Variants in CEP63 observed in about 807,000 individuals in gnomAD.
CEP63 encodes centrosomal protein 63, also known as centrosomal protein of 63 kDa.
A neutral mutation model predicts 89.1 loss-of-function variants in CEP63; 84 were observed. The observed-to-expected ratio is 0.94, with a 90% CI of 0.79 to 1.13. CEP63 has a LOEUF of 1.13. Ranked by LOEUF, CEP63 falls within the 50% of genes most tolerant of loss-of-function variation. The probability of loss-of-function intolerance (pLI) is 0.00; values close to 1 mark genes in which losing one functional copy is unlikely to be tolerated. For synonymous variants in CEP63, 267 were observed against 272.5 expected (o/e 0.98, Z 0.20); for missense variants, 838 against 813.3 (o/e 1.03, Z -0.37).
chr3:134,607,881 G>A, the CEP63 span: 2 of 991,190 alleles, frequency 2.0e-6, no homozygotes, highest in Admixed American at 5.7e-5. Context: ...CCAGGCAGAG[G>A]TGCTGGAGCT....
the CEP63 span, chr3:134,610,377 G>T: frequency 1.2e-6 from 2 of 1,610,692 alleles, no homozygotes; most frequent in African/African-American, 2.7e-5. Context: ...ACTGCACTCC[G>T]GCGAGCCTGG....
chr3:134,489,227 A>G (rs763267646), intron 1 of CEP63, among the ~76,000 whole-genome samples: 24 of 152,110 alleles, frequency 1.6e-4, no homozygotes, highest in South Asian at 1.5e-3. Context: ...CTCGGTAGCT[A>G]CAGATTGCCT....
chr3:134,578,803 A>T (rs901378116), downstream of CEP63, among the ~76,000 whole-genome samples: 9 of 151,844 alleles, frequency 5.9e-5, no homozygotes, highest in African/African-American at 2.2e-4. Context: ...TAGATTCTGG[A>T]TATTAGATCT....
chr3:134,632,859 G>C, the CEP63 span, among the ~76,000 whole-genome samples: 1 of 151,786 alleles, frequency 6.6e-6, no homozygotes, highest in East Asian at 1.9e-4. Context: ...TAGCTAGAAT[G>C]ACCAAGAAAA....
chr3:134,666,189 C>A, the CEP63 span, among the ~76,000 whole-genome samples: 1 of 152,134 alleles, frequency 6.6e-6, no homozygotes, highest in Non-Finnish European at 1.5e-5. Context: ...AGCCAAATCC[C>A]TTCCAGCCTC....
chr3:134,629,562 C>T, the CEP63 span: 3 of 1,379,768 alleles, frequency 2.2e-6, no homozygotes, highest in South Asian at 3.7e-5. Flanking sequence ...TCTGGCCCAA[C>T]CAGCTGCCTT....
At chr3:134,574,808 A>G (rs1160401787) in exon 12 of CEP63, 7 of 614,852 alleles carry the variant, frequency 1.1e-5, no homozygotes, top group Non-Finnish European at 2.1e-5. Flanking sequence ...GGGTTTTACC[A>G]TGTTGTCCAG....
chr3:134,767,883 T>A, the CEP63 span, among the ~76,000 whole-genome samples: 1 of 152,186 alleles, frequency 6.6e-6, no homozygotes, highest in Non-Finnish European at 1.5e-5. Context: ...CTAACCTAGC[T>A]ACAGAGAGAG....
intron 14 of CEP63, among the ~76,000 whole-genome samples, chr3:134,559,898 G>A (rs760949589): frequency 6.6e-6 from 1 of 152,226 alleles, no homozygotes; most frequent in African/African-American, 2.4e-5. Flanking sequence ...GGCAGAATGT[G>A]CCTTGGACAC....
chr3:134,769,348 A>C, the CEP63 span, among the ~76,000 whole-genome samples: 4 of 152,194 alleles, frequency 2.6e-5, no homozygotes, highest in Non-Finnish European at 5.9e-5. Context: ...AACCCCAGGT[A>C]ACTCTGGTGA....
rs1160475060 is a variant in CEP63 at position 134,546,213 on chromosome 3, A to C, written c.854A>C (p.Glu285Ala). The change falls in exon 8 of 15, where the codon GAG becomes GCG. Residue 285 changes from glutamate (E) to alanine (A), a missense_variant. Transcript: ENST00000675561. ...CAGTCTCAAGAAAATCTCATACATG[A>C]GGCCAGAATACAAAAGGAGAAGTTA... ...ALQSQENLIH[E>A]ARIQKEKLQE... 6.2e-7 allele frequency: 1 copy of C among 1,613,820 alleles called. No homozygotes were observed. The highest frequency in any genetic ancestry group is 8.5e-7 in the Non-Finnish European group (1 of 1,179,872).
chr3:134,628,756 C>A, the CEP63 span, among the ~76,000 whole-genome samples: 1 of 152,140 alleles, frequency 6.6e-6, no homozygotes, highest in Non-Finnish European at 1.5e-5. Flanking sequence ...TATTTTCCTT[C>A]TTTTATAGTT....
chr3:134,502,071 C>T (rs1477608003), intron 2 of CEP63, among the ~76,000 whole-genome samples: 1 of 152,040 alleles, frequency 6.6e-6, no homozygotes, highest in Non-Finnish European at 1.5e-5. Flanking sequence ...GCTTTTTCTG[C>T]GTCTATTGAG....
rs192289769 is a variant in CEP63 at position 134,554,232 on chromosome 3, C to A, written c.1467+2220C>A. ...ATATCTCCCAATGCTATCCCTCCCC[C>A]CTTCCCCCACCCCACAACAGTCCCC... On this transcript the variant is annotated intron_variant, in intron 12 of 14. Coordinates refer to ENST00000675561, the MANE Select transcript of CEP63 (RefSeq NM_001353108.3). Among the ~76,000 whole-genome samples the A allele has an allele frequency of 9.9e-5, 15 of 151,526 alleles. No homozygotes were observed. The East Asian group carries it at 2.9e-3, about 30-fold the overall frequency.
At chr3:134,741,724 T>A in the CEP63 span, among the ~76,000 whole-genome samples, 1 of 152,266 alleles carries the variant, frequency 6.6e-6, no homozygotes, top group African/African-American at 2.4e-5. Context: ...ATATATTTAC[T>A]TCTTTTTTCC....
chr3:134,560,646 A>T (rs1577445150), intron 14 of CEP63, among the ~76,000 whole-genome samples: 1 of 152,146 alleles, frequency 6.6e-6, no homozygotes. Context: ...TCTGAACCTC[A>T]TGTCTCTCAT....
At chr3:134,683,833 A>G in the CEP63 span, among the ~76,000 whole-genome samples, 4 of 151,726 alleles carry the variant, frequency 2.6e-5, no homozygotes, top group African/African-American at 9.7e-5. Flanking sequence ...TCCCACCTCT[A>G]CCAGTTCCAT....
chr3:134,598,211 A>C, the CEP63 span, among the ~76,000 whole-genome samples: 1 of 152,066 alleles, frequency 6.6e-6, no homozygotes, highest in Non-Finnish European at 1.5e-5. Context: ...GGTGTAAAAC[A>C]CCCCTCGTTT....
rs572656300 is a variant in CEP63 at position 134,519,434 on chromosome 3, G to A, written c.222+12148G>A. On this transcript the variant is annotated intron_variant, in intron 3 of 14. Transcript: ENST00000675561. ...CAGGCGTGAGCCACCACGCCCGGCT[G>A]AATTGAATTTGTTATTGAAAAACCT... 1.4e-4 allele frequency among the ~76,000 whole-genome samples: 21 copies of A among 152,182 alleles called. No individual in the cohort carries two copies. In the East Asian group the frequency reaches 2.5e-3, roughly 18 times the overall value.
Sources: allele counts gnomAD v4.1 joint callset (sites outside exome capture counted in the v4.1 genomes callset), GRCh38; gene constraint gnomAD v4.1.1; transcripts MANE v1.5; gene names NCBI Gene and HGNC (gene_info 2026-07-23, HGNC 2026-07-21).